ZNF615: variants seen among roughly 807,000 people sequenced by gnomAD.
The protein encoded by ZNF615 is zinc finger protein 615.
ZNF615 carries 15 observed loss-of-function variants against 15.3 expected under a neutral mutation model. The observed-to-expected ratio is 0.98, with a 90% CI of 0.66 to 1.51. ZNF615 has a LOEUF of 1.51. Among genes scored for constraint, ZNF615 ranks in the 40% most tolerant of loss-of-function variants. The pLI is 0.00. For missense variants in ZNF615, 848 were observed against 895.9 expected, an observed-to-expected ratio of 0.95 and a Z score of 0.68; for synonymous variants, 268 against 294.6, an observed-to-expected ratio of 0.91 and a Z score of 0.92.
rs2086235068 is a variant in ZNF615 at position 51,991,575 on chromosome 19, C to G, written c.*1305G>C. ...TGTATGATTCCATTTTTATAACATG[C>G]TACTAATGACAAAACTAAAGATGAA... On this transcript the variant is annotated 3_prime_UTR_variant, in exon 7 of 7. Transcript: ENST00000598071. 6.6e-6 allele frequency: 1 copy of G among 152,162 alleles called. No homozygotes were observed. Among genetic ancestry groups the G allele is most frequent in the African/African-American group, 2.4e-5 (1 of 41,420 alleles). 9.4% of individuals were successfully genotyped at this position (152,162 alleles called of 1,614,324 possible).
chr19:52,006,597 A>G (rs999234693), intron 2 of ZNF615, among the ~76,000 whole-genome samples: 2 of 152,242 alleles, frequency 1.3e-5, no homozygotes, highest in African/African-American at 4.8e-5. Context: ...ATACAGAATT[A>G]TTTAGAGGAA....
Position 51,994,100 on chromosome 19 carries a change from A to C in ZNF615, c.1009T>G (p.Ser337Ala), listed in dbSNP as rs376666628. The C allele has an allele frequency of 1.9e-5, 30 of 1,613,672 alleles. No homozygotes were observed. The highest frequency in any genetic ancestry group is 2.5e-5 in the Non-Finnish European group (29 of 1,179,942). Residue 337 changes from serine (S) to alanine (A), a missense_variant, in exon 7 of 7, where the codon TCT (serine) becomes GCT (alanine). Transcript: ENST00000598071. ...TGTGTAGTGAGACTGAACTTTGTAG[A>C]GAAGGCCTTCCCACATACACTGCAT... Reference protein sequence around the residue: ...HGCSVCGKAFSTKFSLTTHQK... With the variant: ...HGCSVCGKAFATKFSLTTHQK...
chr19:52,006,025 T>G (rs2086742753), intron 2 of ZNF615, among the ~76,000 whole-genome samples: 1 of 152,140 alleles, frequency 6.6e-6, no homozygotes, highest in African/African-American at 2.4e-5. Flanking sequence ...AAATTGCCAA[T>G]AAAGGTATAC....
chr19:51,994,586 AT>A lies in ZNF615; in HGVS notation c.522del (p.Lys174AsnfsTer15). Reference sequence around the variant, plus strand: ...TGTTTATGGTTAGCATGAAAAAGGGATTTCCCATCTCTATTAAACTCAGCAG... The same window carrying A: ...TGTTTATGGTTAGCATGAAAAAGGGATTCCCATCTCTATTAAACTCAGCAG... ...KNSAEFNRDG[K>X]SLFHANHKQF... On this transcript the variant is annotated frameshift_variant, in exon 7 of 7. Transcript: ENST00000598071. LOFTEE classifies it low-confidence loss of function (END_TRUNC). The A allele has an allele frequency of 6.2e-7, 1 of 1,613,984 alleles. No homozygotes were observed.
rs748023166 is a variant in ZNF615, at chr19:51,993,391, T to C, written c.1718A>G (p.His573Arg). ...GCATACATAGGGTTTCTCTCCTGTATGAGTGCGCCGATGTACATTGAGATG... is the reference window on the plus strand; with the variant it reads ...GCATACATAGGGTTTCTCTCCTGTACGAGTGCGCCGATGTACATTGAGATG... ...KSHLNVHRRT[H>R]TGEKPYVCSE... Residue 573 changes from histidine to arginine, a missense_variant, in exon 7 of 7, where the codon CAT (histidine) becomes CGT (arginine). By Grantham distance (29) the His-to-Arg change is conservative (BLOSUM62 0). Transcript: ENST00000598071. The C allele has an allele frequency of 1.2e-6, 2 of 1,614,176 alleles. No individual in the cohort carries two copies. Among genetic ancestry groups the C allele is most frequent in the Middle Eastern group, 1.6e-4 (1 of 6,062 alleles).
At chr19:52,002,905 C>T (rs547402237) in intron 3 of ZNF615, among the ~76,000 whole-genome samples, 1 of 151,570 alleles carries the variant, frequency 6.6e-6, no homozygotes, top group East Asian at 1.9e-4. Flanking sequence ...CGGCTCACTG[C>T]AACTTCTGCC....
intron 2 of ZNF615, among the ~76,000 whole-genome samples, chr19:52,005,085 C>T (rs923136381): frequency 4.6e-5 from 7 of 152,004 alleles, no homozygotes; most frequent in South Asian, 2.1e-4. Flanking sequence ...ATGGTGAAAC[C>T]CCGTCTCTAC....
rs373443332 is a variant in ZNF615 at position 51,992,597 on chromosome 19, G to A, written c.*283C>T. 219 of 306,284 alleles carry A rather than the reference G, an allele frequency of 7.2e-4. 1 individual carries two copies. The South Asian group carries it at 0.016, about 23-fold the overall frequency. 19.0% of individuals were successfully genotyped at this position (306,284 alleles called of 1,614,324 possible). A position where few individuals can be genotyped will look rare whatever the true frequency, so the allele number is the denominator to read the frequency against. ...GTTCCTATAATTATTACATTTCCAC[G>A]AATTAGTAGTTTATTCATGATCTAT... is the stretch of plus-strand genomic sequence containing the variant. On this transcript the variant is annotated 3_prime_UTR_variant, in exon 7 of 7. Coordinates refer to ENST00000598071, the MANE Select transcript of ZNF615 (RefSeq NM_001199324.2).
rs1337281329 is a variant in ZNF615, at chr19:52,008,124, C to G, written c.-228+17G>C. 1 of 1,535,322 alleles carries G rather than the reference C, an allele frequency of 6.5e-7. No individual in the cohort carries two copies. On this transcript the variant is annotated intron_variant, in intron 1 of 6. Coordinates refer to ENST00000598071, the MANE Select transcript of ZNF615 (RefSeq NM_001199324.2). ...CCTCCCCCGTCACCACAGCGACCAC[C>G]CAGTGACTGAACTTACTTCCCAGAA...
At chr19:51,999,663 T>G (rs1263475017) in intron 6 of ZNF615, among the ~76,000 whole-genome samples, 2 of 152,142 alleles carry the variant, frequency 1.3e-5, no homozygotes, top group Admixed American at 1.3e-4. Context: ...AAGCAAAAGC[T>G]ATACAGAAAT....
At chr19:51,995,880 G>A (rs1359919742) in intron 6 of ZNF615, among the ~76,000 whole-genome samples, 1 of 151,816 alleles carries the variant, frequency 6.6e-6, no homozygotes, top group East Asian at 1.9e-4. Flanking sequence ...TTTCACGAAG[G>A]TTTAATTTTA....
chr19:51,996,263 G>A (rs536732389), intron 6 of ZNF615, among the ~76,000 whole-genome samples: 23 of 151,844 alleles, frequency 1.5e-4, no homozygotes, highest in East Asian at 7.8e-4. Context: ...GCACATGCCC[G>A]TAGTCCCGGC....
At chr19:52,007,981 G>A in intron 1 of ZNF615, 160 bp downstream of exon 1, 5 of 646,782 alleles carry the variant, frequency 7.7e-6, no homozygotes, top group South Asian at 5.6e-5. Flanking sequence ...CCCTGCGATA[G>A]GAATCGGACC....
At chr19:52,006,171 TAG>T (rs1445823745) in intron 2 of ZNF615, among the ~76,000 whole-genome samples, 12 of 152,238 alleles carry the variant, frequency 7.9e-5, no homozygotes, top group African/African-American at 2.4e-4. Context: ...AGAAAAATAT[TAG>T]CATTCTACAT....
At chr19:52,004,852 G>A (rs1266446114) in intron 2 of ZNF615, 3 of 152,234 alleles carry the variant, frequency 2.0e-5, no homozygotes, top group Non-Finnish European at 2.9e-5. Flanking sequence ...AGCAAGGTCT[G>A]AAGAGGAACA....
At chr19:51,995,600 G>C (rs937732474) in intron 6 of ZNF615, among the ~76,000 whole-genome samples, 1 of 132,276 alleles carries the variant, frequency 7.6e-6, no homozygotes, top group Non-Finnish European at 1.6e-5. Flanking sequence ...CAGGGTCTCT[G>C]TCACCAAGGC....
chr19:52,003,727 G>A lies in ZNF615; in HGVS notation c.-16C>T. The A allele has an allele frequency of 3.1e-6, 5 of 1,611,270 alleles. No individual in the cohort carries two copies. The highest frequency in any genetic ancestry group is 4.2e-6 in the Non-Finnish European group (5 of 1,178,574). Reference sequence around the variant, plus strand: ...CCTGCATCATTGTCTCCTAAATTTGGGAAATGACTGCTAACTTGGACGTTC... The same window carrying A: ...CCTGCATCATTGTCTCCTAAATTTGAGAAATGACTGCTAACTTGGACGTTC... On this transcript the variant is annotated 5_prime_UTR_variant, in exon 3 of 7. Coordinates refer to ENST00000598071, the MANE Select transcript of ZNF615 (RefSeq NM_001199324.2).
intron 3 of ZNF615, 22 bp from the exon 4 acceptor site, chr19:52,002,303 T>C (rs764520687): frequency 6.2e-7 from 1 of 1,613,784 alleles, no homozygotes; most frequent in South Asian, 1.1e-5. Context: ...CACTTCTGTT[T>C]AATGAAGTCA....
rs971389389 is a variant in ZNF615 at position 51,994,634 on chromosome 19, T to G, written c.475A>C (p.Arg159=). The G allele has an allele frequency of 6.2e-7, 1 of 1,613,096 alleles. No homozygotes were observed. The highest frequency in any genetic ancestry group is 8.5e-7 in the Non-Finnish European group (1 of 1,179,900). Residue 159 remains arginine (R), a synonymous_variant, in exon 7 of 7, where the codon AGG becomes CGG. Coordinates refer to ENST00000598071, the MANE Select transcript of ZNF615 (RefSeq NM_001199324.2). The part of the protein sequence containing the change: ...KSNLSFENQK[R]SSGLKNSAEF... Reference sequence around the variant, plus strand: ...GCAGAGTTCTTTAGGCCAGAGCTCCTTTTCTGGTTTTCAAAACTTAAATTT... The same window carrying G: ...GCAGAGTTCTTTAGGCCAGAGCTCCGTTTCTGGTTTTCAAAACTTAAATTT...
Sources: allele counts gnomAD v4.1 joint callset (sites outside exome capture counted in the v4.1 genomes callset), GRCh38; gene constraint gnomAD v4.1.1; transcripts MANE v1.5; gene names NCBI Gene and HGNC (gene_info 2026-07-23, HGNC 2026-07-21).